The following TIMD4 variants were observed in gnomAD, a reference collection of about 807,000 sequenced individuals.
TIMD4 encodes T cell immunoglobulin and mucin domain containing 4, also known as T-cell immunoglobulin and mucin domain-containing protein 4.
In TIMD4, 31 loss-of-function variants were observed where a neutral mutation model predicts 41.2. The ratio of observed to expected loss-of-function variants is 0.75; its 90% CI spans 0.57 to 1.01. The LOEUF is 1.01. Ranked by LOEUF, TIMD4 falls within the 50% of genes least tolerant of loss-of-function variation. The pLI is 0.00. For synonymous variants in TIMD4, 204 were observed against 177.1 expected, an observed-to-expected ratio of 1.15 and a Z score of -1.21; for missense variants, 479 against 472.5, an observed-to-expected ratio of 1.01 and a Z score of -0.13.
chr5:156,919,377 G>T lies in TIMD4; in HGVS notation c.*80C>A, dbSNP rs1759193186. On this transcript the variant is annotated 3_prime_UTR_variant, in exon 9 of 9. Coordinates refer to ENST00000274532, the MANE Select transcript of TIMD4 (RefSeq NM_138379.3). The stretch of plus-strand genomic sequence containing the variant: ...CATGGAATAAGTGAGTCTTTTTTAT[G>T]AAACAAGGAAATCTACTAAGACTTA... The T allele has an allele frequency of 7.5e-7, 1 of 1,326,548 alleles. No individual in the cohort carries two copies. The highest frequency in any genetic ancestry group is 1.8e-5 in the Admixed American group (1 of 54,172). The allele number at this position is 1,326,548 out of a possible 1,614,324, so 82.2% of individuals were successfully genotyped here. A position where few individuals can be genotyped will look rare whatever the true frequency, so the allele number is the denominator to read the frequency against.
chr5:156,925,655 A>C (rs918857352), intron 6 of TIMD4, among the ~76,000 whole-genome samples: 7 of 152,244 alleles, frequency 4.6e-5, no homozygotes, highest in African/African-American at 1.2e-4. Context: ...ATTCTGCAGT[A>C]TGTCATGAAC....
intron 1 of TIMD4, among the ~76,000 whole-genome samples, chr5:156,962,589 C>T (rs1362744535): frequency 6.6e-6 from 1 of 152,132 alleles, no homozygotes; most frequent in Admixed American, 6.5e-5. Flanking sequence ...GCAGCTGCAG[C>T]TCAGGCCAGA....
chr5:156,920,481 A>C lies in TIMD4; in HGVS notation c.1035T>G (p.Cys345Trp). 2 of 1,614,124 alleles carry C rather than the reference A, an allele frequency of 1.2e-6. No individual in the cohort carries two copies. Among genetic ancestry groups the C allele is most frequent in the Non-Finnish European group, 1.7e-6 (2 of 1,179,960 alleles). The change falls in exon 8 of 9, where the codon TGT becomes TGG. Residue 345 changes from cysteine (C) to tryptophan (W), a missense_variant. Cys to Trp is a radical substitution (Grantham distance 215). Coordinates refer to ENST00000274532, the MANE Select transcript of TIMD4 (RefSeq NM_138379.3). ...LLRGKLMETY[C>W]SQKHTRLDYI... ...TAGATTACCTTGTGTGTTTCTGCGA[A>C]CAATAGGTTTCCATGAGTTTCCCTG...
rs140314440 is a variant in TIMD4 at position 156,951,644 on chromosome 5, G to A, written c.547C>T (p.Leu183Phe). Residue 183 changes from leucine (L) to phenylalanine (F), a missense_variant, in exon 3 of 9, where the codon CTC becomes TTC. Coordinates refer to ENST00000274532, the MANE Select transcript of TIMD4 (RefSeq NM_138379.3). Reference sequence around the variant, plus strand: ...AAGACGGCAATGGTTGTCATCTGGAGTGGTGTTCCGGTTGTGAGATCGGGT... The same window carrying A: ...AAGACGGCAATGGTTGTCATCTGGAATGGTGTTCCGGTTGTGAGATCGGGT... ...TTPDLTTGTP[L>F]QMTTIAVFTT... 1.4e-5 allele frequency: 23 copies of A among 1,614,048 alleles called. No individual in the cohort carries two copies. The highest frequency in any genetic ancestry group is 1.8e-5 in the Non-Finnish European group (21 of 1,180,036).
intron 2 of TIMD4, among the ~76,000 whole-genome samples, chr5:156,952,420 C>A (rs551862537): frequency 1.3e-5 from 2 of 152,264 alleles, no homozygotes; most frequent in African/African-American, 4.8e-5. Context: ...CTCCATTTGA[C>A]CCCATCTTGC....
At chr5:156,960,094 A>G (rs1393482162) in intron 1 of TIMD4, among the ~76,000 whole-genome samples, 1 of 15,138 alleles carries the variant, frequency 6.6e-5, no homozygotes, top group Non-Finnish European at 9.5e-5. Flanking sequence ...AAAGGCACCT[A>G]TGAAAAAAAA....
intron 2 of TIMD4, among the ~76,000 whole-genome samples, chr5:156,953,369 A>G (rs1377218445): frequency 6.6e-6 from 1 of 152,104 alleles, no homozygotes; most frequent in East Asian, 1.9e-4. Flanking sequence ...AAACTTGAGA[A>G]TATAGGCCGG....
At position 156,922,172 on chromosome 5, in the gene TIMD4, G is replaced by C. The variant is rs1188353643; in HGVS notation, c.939C>G (p.Ser313=). The change falls in exon 7 of 9, where the codon TCC becomes TCG. Residue 313 remains serine (S), a synonymous_variant. Transcript: ENST00000274532. ...PMSMKNEMPI[S]QLLMIIAPSL... is the part of the protein sequence containing the mutation. ...AGGGGGCGATGATCATCAGTAGTTG[G>C]GAGATGGGCATTTCATTCTTCATTG... The C allele has an allele frequency of 6.2e-7, 1 of 1,614,020 alleles. No homozygotes were observed. Among genetic ancestry groups the C allele is most frequent in the Admixed American group, 1.7e-5 (1 of 59,984 alleles).
intron 5 of TIMD4, among the ~76,000 whole-genome samples, chr5:156,930,247 C>A (rs1327171678): frequency 6.6e-6 from 1 of 152,140 alleles, no homozygotes; most frequent in African/African-American, 2.4e-5. Context: ...AGGCATGAAC[C>A]ACTGCACCCA....
At chr5:156,934,840 G>A (rs1244606131) in intron 5 of TIMD4, among the ~76,000 whole-genome samples, 2 of 152,190 alleles carry the variant, frequency 1.3e-5, no homozygotes, top group Non-Finnish European at 2.9e-5. Context: ...AGAGCACTCT[G>A]TCTTCTCAGT....
intron 5 of TIMD4, among the ~76,000 whole-genome samples, chr5:156,931,157 A>G (rs911457318): frequency 6.6e-6 from 1 of 152,228 alleles, no homozygotes. Flanking sequence ...AGGAGCTAGA[A>G]AAAGCAAAGA....
intron 5 of TIMD4, 65 bp from the exon 6 acceptor site, chr5:156,926,377 A>G: frequency 6.5e-7 from 1 of 1,539,716 alleles, no homozygotes; most frequent in South Asian, 1.1e-5. Context: ...CACATCCTGA[A>G]ATAGGTAATT....
At chr5:156,924,148 G>A (rs1056918938) in intron 6 of TIMD4, 2 of 393,628 alleles carry the variant, frequency 5.1e-6, no homozygotes, top group Non-Finnish European at 9.7e-6. Flanking sequence ...GGTCCATGGG[G>A]CTGACCAGCC....
chr5:156,958,196 C>T (rs6868617), intron 1 of TIMD4, among the ~76,000 whole-genome samples: 3,693 of 151,918 alleles, frequency 0.024, 170 homozygotes, highest in African/African-American at 0.084. Context: ...CGTTTGAACC[C>T]GGGAGGCAGA....
chr5:156,958,578 C>T (rs912693535), intron 1 of TIMD4, among the ~76,000 whole-genome samples: 2 of 152,120 alleles, frequency 1.3e-5, no homozygotes, highest in South Asian at 2.1e-4. Flanking sequence ...GACTTAGCCT[C>T]CTGAGATAAA....
chr5:156,950,826 G>T (rs975006304), intron 3 of TIMD4, among the ~76,000 whole-genome samples: 1 of 152,160 alleles, frequency 6.6e-6, no homozygotes, highest in Non-Finnish European at 1.5e-5. Context: ...TGAAAGAATG[G>T]AACTGGAGTC....
At position 156,963,215 on chromosome 5, in the gene TIMD4, A is replaced by T; in HGVS notation, c.-17T>A. On this transcript the variant is annotated 5_prime_UTR_variant, in exon 1 of 9. Transcript: ENST00000274532. ...TTTGGACATTTTGACGGTTGACCGG[A>T]CCCAGGAGTCTGTCTATCTATCCAA... 1 of 1,614,024 alleles carries T rather than the reference A, an allele frequency of 6.2e-7. No homozygotes were observed. Among genetic ancestry groups the T allele is most frequent in the African/African-American group, 1.3e-5 (1 of 75,068 alleles).
chr5:156,951,730 G>A lies in TIMD4; in HGVS notation c.461C>T (p.Pro154Leu). The change falls in exon 3 of 9, where the codon CCC becomes CTC. Residue 154 changes from proline (P) to leucine (L), a missense_variant. By Grantham distance (98) the Pro-to-Leu change is moderately conservative. Coordinates refer to ENST00000274532, the MANE Select transcript of TIMD4 (RefSeq NM_138379.3). ...TTTRRTTTTSPTTTRQMTTTP... is the reference protein window; with the variant it reads ...TTTRRTTTTSLTTTRQMTTTP... ...TGTTGTCATTTGTCGGGTGGTGGTG[G>A]GGCTTGTTGTTGTTGTTCTGCGTGT... The A allele has an allele frequency of 6.2e-7, 1 of 1,614,070 alleles. No individual in the cohort carries two copies. Among genetic ancestry groups the A allele is most frequent in the Non-Finnish European group, 8.5e-7 (1 of 1,180,018 alleles).
chr5:156,951,502 A>C lies in TIMD4; in HGVS notation c.679+10T>G. 1.2e-6 allele frequency: 2 copies of C among 1,613,966 alleles called. No homozygotes were observed. The highest frequency in any genetic ancestry group is 1.7e-6 in the Non-Finnish European group (2 of 1,179,906). ...CACTGTTCTAAGAAACCCAAGATACATCTGCGTACCTGCAGTGAGGATGGG... is the reference window on the plus strand; with the variant it reads ...CACTGTTCTAAGAAACCCAAGATACCTCTGCGTACCTGCAGTGAGGATGGG... On this transcript the variant is annotated intron_variant, in intron 3 of 8. Transcript: ENST00000274532.
Sources: gnomAD v4.1 joint callset for allele counts (sites outside exome capture counted in the v4.1 genomes callset) on GRCh38, gnomAD v4.1.1 for gene constraint, MANE v1.5 for transcripts, NCBI Gene and HGNC (gene_info 2026-07-23, HGNC 2026-07-21) for gene names.